The following SNRNP70 variants were observed in gnomAD, a reference collection of about 807,000 sequenced individuals.
The protein encoded by SNRNP70 is U1 small nuclear ribonucleoprotein 70 kDa.
A neutral mutation model predicts 50.5 loss-of-function variants in SNRNP70; 8 were observed. The observed-to-expected ratio is 0.16, with a 90% CI of 0.09 to 0.29. The LOEUF (loss-of-function observed/expected upper bound fraction) is 0.29. SNRNP70 is among the 10% of genes least tolerant of loss of function. The pLI is 1.00. For synonymous variants in SNRNP70, 320 were observed against 252.9 expected, an observed-to-expected ratio of 1.27 and a Z score of -2.52; for missense variants, 529 against 663.5, an observed-to-expected ratio of 0.80 and a Z score of 2.23.
intron 2 of SNRNP70, among the ~76,000 whole-genome samples, chr19:49,088,140 C>G (rs1296351501): frequency 6.6e-6 from 1 of 151,470 alleles, no homozygotes; most frequent in African/African-American, 2.4e-5. Context: ...ATCCACCCCC[C>G]TTGGCCTCCC....
At chr19:49,096,171 C>T (rs768326244) in intron 4 of SNRNP70, among the ~76,000 whole-genome samples, 7 of 151,926 alleles carry the variant, frequency 4.6e-5, no homozygotes, top group South Asian at 4.2e-4. Flanking sequence ...AATTCTCCTG[C>T]GTCAGCCTCC....
In SNRNP70 at chr19:49,098,689, C is replaced by T. The variant is rs776249185; in HGVS notation, c.378C>T (p.Tyr126=). ...AGCTCCGGAGAGAGTTTGAGGTGTA[C>T]GGACCTATCAAAAGAGTAAGTGGAG... The part of the protein sequence containing the change: ...ESKLRREFEV[Y]GPIKRIHMVY... Residue 126 remains tyrosine, a synonymous_variant, in exon 6 of 10, where the codon TAC becomes TAT. Coordinates refer to ENST00000598441, the MANE Select transcript of SNRNP70 (RefSeq NM_003089.6). 29 of 1,613,588 alleles carry T rather than the reference C, an allele frequency of 1.8e-5. No homozygotes were observed. The highest frequency in any genetic ancestry group is 2.1e-5 in the Non-Finnish European group (25 of 1,179,716).
intron 4 of SNRNP70, among the ~76,000 whole-genome samples, chr19:49,096,896 G>A (rs528675283): frequency 1.3e-5 from 2 of 151,962 alleles, no homozygotes; most frequent in East Asian, 3.9e-4. Context: ...TTGGGAGGCC[G>A]AGGAGGGCGG....
chr19:49,106,645 G>A (rs948313566), intron 8 of SNRNP70, among the ~76,000 whole-genome samples: 13 of 152,180 alleles, frequency 8.5e-5, no homozygotes, highest in Admixed American at 7.2e-4. Context: ...ATAGAGGAGC[G>A]CTTGAGAAGG....
rs749891570 is a variant in SNRNP70, at chr19:49,108,172, G to A, written c.1043G>A (p.Arg348Gln). Residue 348 changes from arginine to glutamine, a missense_variant, in exon 10 of 10, where the codon CGG becomes CAG. Arg to Gln is a conservative substitution (Grantham distance 43). Around this residue, in one of 4 missense-constraint regions of SNRNP70, gnomAD observed 327 missense variants for 308.8 expected, o/e 1.06. Coordinates refer to ENST00000598441, the MANE Select transcript of SNRNP70 (RefSeq NM_003089.6). ...CCTGACGGTCCAGAGGAAAAGGGCC[G>A]GGATCGTGACCGGGAGCGACGGCGG... Reference protein sequence around the residue: ...DGPDGPEEKGRDRDRERRRSH... With the variant: ...DGPDGPEEKGQDRDRERRRSH... 2.6e-6 allele frequency: 4 copies of A among 1,540,946 alleles called. No individual in the cohort carries two copies. The highest frequency in any genetic ancestry group is 1.2e-5 in the South Asian group (1 of 82,532).
At chr19:49,089,220 G>C (rs1054182167) in intron 2 of SNRNP70, among the ~76,000 whole-genome samples, 2 of 152,198 alleles carry the variant, frequency 1.3e-5, no homozygotes, top group African/African-American at 4.8e-5. Context: ...CCAACATGGT[G>C]AAACCCTGTC....
At chr19:49,094,984 T>C (rs1015894040) in intron 4 of SNRNP70, among the ~76,000 whole-genome samples, 4 of 152,368 alleles carry the variant, frequency 2.6e-5, no homozygotes, top group Admixed American at 2.6e-4. Context: ...AGATGAGCCC[T>C]CAACCAGTGA....
chr19:49,105,740 AC>A (rs2040658581), intron 8 of SNRNP70, among the ~76,000 whole-genome samples: 3 of 145,370 alleles, frequency 2.1e-5, no homozygotes, highest in Non-Finnish European at 3.1e-5. Flanking sequence ...AAAAAAAAAA[AC>A]AAAAAACAAA....
chr19:49,088,276 C>T (rs2040407191), intron 2 of SNRNP70, among the ~76,000 whole-genome samples: 1 of 142,850 alleles, frequency 7.0e-6, no homozygotes, highest in Non-Finnish European at 1.5e-5. Flanking sequence ...GATCTCGGCT[C>T]ACTGCAAGCT....
chr19:49,090,621 G>C, intron 4 of SNRNP70, 101 bp downstream of exon 4: 1 of 1,108,532 alleles, frequency 9.0e-7, no homozygotes, highest in Non-Finnish European at 1.4e-6. Context: ...GGCCTGTGTT[G>C]TGGGGAACAG....
In SNRNP70 at chr19:49,086,446, C is replaced by T; in HGVS notation, c.32C>T (p.Ala11Val). 1 of 1,613,936 alleles carries T rather than the reference C, an allele frequency of 6.2e-7. No individual in the cohort carries two copies. Among genetic ancestry groups the T allele is most frequent in the Non-Finnish European group, 8.5e-7 (1 of 1,179,916 alleles). Reference sequence around the variant, plus strand: ...CAGTTCCTGCCGCCCAACCTTCTGGCCCTCTTTGCCCCCCGTGACCCTATT... The same window carrying T: ...CAGTTCCTGCCGCCCAACCTTCTGGTCCTCTTTGCCCCCCGTGACCCTATT... MTQFLPPNLL[A>V]LFAPRDPIPY... is the part of the protein sequence containing the mutation. The change falls in exon 2 of 10, where the codon GCC becomes GTC. Residue 11 changes from alanine (A) to valine (V), a missense_variant. This residue lies in a region of SNRNP70 where 149 missense variants were observed against 259.7 expected (regional missense o/e 0.57). Transcript: ENST00000598441.
At chr19:49,091,716 T>A (rs972112536) in intron 4 of SNRNP70, among the ~76,000 whole-genome samples, 1 of 152,184 alleles carries the variant, frequency 6.6e-6, no homozygotes, top group Non-Finnish European at 1.5e-5. Flanking sequence ...TCACGGTGCT[T>A]ACGCAGAAGC....
At chr19:49,090,927 T>A (rs143102845) in intron 4 of SNRNP70, among the ~76,000 whole-genome samples, 13 of 152,228 alleles carry the variant, frequency 8.5e-5, no homozygotes, top group Non-Finnish European at 1.5e-4. Flanking sequence ...ACAAGACAGG[T>A]GTGTTGTTGC....
chr19:49,099,752 AGT>A (rs2040558584), intron 6 of SNRNP70, among the ~76,000 whole-genome samples: 1 of 148,762 alleles, frequency 6.7e-6, no homozygotes, highest in Non-Finnish European at 1.5e-5. Context: ...AAAAAAAAAA[AGT>A]ATTGTAGGCT....
rs1185051403 is a variant in SNRNP70, at chr19:49,087,351, G to T, written c.147+790G>T. ...ATTGGTTTCTTTATCTTTAGCAAGG[G>T]GATAGTGGTAGCACCCTTATAATGT... On this transcript the variant is annotated intron_variant, in intron 2 of 9. Transcript: ENST00000598441. Among the ~76,000 whole-genome samples, 13 of 152,204 alleles carry T rather than the reference G, an allele frequency of 8.5e-5. No homozygotes were observed. In the South Asian group the frequency reaches 2.1e-3, roughly 24 times the overall value.
intron 4 of SNRNP70, among the ~76,000 whole-genome samples, chr19:49,096,963 C>G (rs972048454): frequency 6.6e-6 from 1 of 151,862 alleles, no homozygotes; most frequent in Non-Finnish European, 1.5e-5. Context: ...AACCCCATCT[C>G]TACTAACAAT....
intron 2 of SNRNP70, among the ~76,000 whole-genome samples, chr19:49,087,228 T>G (rs1418244590): frequency 6.7e-6 from 1 of 149,292 alleles, no homozygotes; most frequent in Non-Finnish European, 1.5e-5. Context: ...TTTTGTAGAA[T>G]TTTTGTGAAA....
At position 49,104,887 on chromosome 19, in the gene SNRNP70, C is replaced by T. The variant is rs1454816901; in HGVS notation, c.577+152C>T. The T allele has an allele frequency of 3.5e-6, 2 of 577,118 alleles. No individual in the cohort carries two copies. Among genetic ancestry groups the T allele is most frequent in the Non-Finnish European group, 3.0e-6 (1 of 329,642 alleles). The allele number at this position is 577,118 out of a possible 1,614,324, so 35.7% of individuals were successfully genotyped here. On this transcript the variant is annotated intron_variant, in intron 8 of 9. Transcript: ENST00000598441. The surrounding 1 kb of genome is among the most constrained non-coding windows in gnomAD (Gnocchi z 5.4). ...CGGCTTCTCTCTCTTGTGGCCATCA[C>T]ATTTCTGACAGCTGCCTGCCTCCTC...
At chr19:49,088,199 CTTTTT>C (rs34075997) in intron 2 of SNRNP70, among the ~76,000 whole-genome samples, 2,178 of 94,886 alleles carry the variant, frequency 0.023, 73 homozygotes, top group African/African-American at 0.081. Context: ...GAGCCAGGTA[CTTTTT>C]TTTTTTTTTT....
Sources: allele counts gnomAD v4.1 joint callset (sites outside exome capture counted in the v4.1 genomes callset), GRCh38; gene constraint gnomAD v4.1.1; regional missense constraint gnomAD v4.1.1; non-coding constraint Gnocchi (gnomAD v3.1); transcripts MANE v1.5; gene names NCBI Gene and HGNC (gene_info 2026-07-23, HGNC 2026-07-21).